PDCD4: variants seen among roughly 807,000 people sequenced by gnomAD.
PDCD4 encodes programmed cell death 4.
PDCD4 carries 56 observed loss-of-function variants against 54.0 expected under a neutral mutation model. The observed-to-expected ratio is 1.04, with a 90% CI of 0.84 to 1.30. PDCD4 has a LOEUF of 1.30. PDCD4 is among the 50% of genes most tolerant of loss of function. PDCD4 has a pLI of 0.00. For synonymous variants in PDCD4, 186 were observed against 194.8 expected (o/e 0.95, Z 0.37); for missense variants, 584 against 559.8 (o/e 1.04, Z -0.44).
intron 7 of PDCD4, 133 bp downstream of exon 7, chr10:110,889,763 A>C: frequency 1.6e-6 from 1 of 630,422 alleles, no homozygotes; most frequent in Non-Finnish European, 2.8e-6. Flanking sequence ...TCCACTGTTA[A>C]AATGGAGAGA....
intron 3 of PDCD4, among the ~76,000 whole-genome samples, chr10:110,882,401 G>T (rs1271385866): frequency 6.6e-6 from 1 of 152,170 alleles, no homozygotes; most frequent in Admixed American, 6.5e-5. Flanking sequence ...AATTGGAATT[G>T]TTAAGCTTCT....
rs146512849 is a variant in PDCD4, at chr10:110,894,263, T to C, written c.1098+65T>C. On this transcript the variant is annotated intron_variant, in intron 9 of 11. Coordinates refer to ENST00000280154, the MANE Select transcript of PDCD4 (RefSeq NM_014456.5). ...TTCCTTTTTGTACTGTAGCGACTTA[T>C]GCTTTTTAAATAATGTACATCCTTT... 1,130 of 1,004,972 alleles carry C rather than the reference T, an allele frequency of 1.1e-3. 10 individuals are homozygous for C. The African/African-American group carries it at 0.016, about 14-fold the overall frequency. The allele number at this position is 1,004,972 out of a possible 1,614,324, so 62.3% of individuals were successfully genotyped here.
At chr10:110,895,195 A>G (rs1845813243) in intron 10 of PDCD4, among the ~76,000 whole-genome samples, 1 of 152,048 alleles carries the variant, frequency 6.6e-6, no homozygotes, top group Non-Finnish European at 1.5e-5. Flanking sequence ...TAAATATAGT[A>G]CCTGATAGGT....
chr10:110,896,314 T>C (rs925145631), intron 11 of PDCD4, among the ~76,000 whole-genome samples: 3 of 152,198 alleles, frequency 2.0e-5, no homozygotes, highest in African/African-American at 4.8e-5. Context: ...GTGGAGCAGG[T>C]CCTTTGTTGT....
chr10:110,882,038 G>A (rs912902975), intron 3 of PDCD4, among the ~76,000 whole-genome samples: 4 of 152,112 alleles, frequency 2.6e-5, no homozygotes, highest in Admixed American at 6.5e-5. Context: ...TCTAGTACCC[G>A]AAATAGTGAC....
intron 8 of PDCD4, among the ~76,000 whole-genome samples, chr10:110,893,485 T>C (rs1845786698): frequency 6.6e-6 from 1 of 151,800 alleles, no homozygotes; most frequent in Admixed American, 6.6e-5. Context: ...GAAAAAGTTC[T>C]CCCACTTTTT....
intron 2 of PDCD4, among the ~76,000 whole-genome samples, chr10:110,877,562 T>C (rs766987629): frequency 6.6e-6 from 1 of 152,196 alleles, no homozygotes; most frequent in African/African-American, 2.4e-5. Flanking sequence ...AAATTTCTTA[T>C]ATGGCTTGCA....
intron 2 of PDCD4, among the ~76,000 whole-genome samples, chr10:110,878,378 C>T (rs1200736988): frequency 6.6e-6 from 1 of 152,172 alleles, no homozygotes; most frequent in Non-Finnish European, 1.5e-5. Flanking sequence ...AAATTGAATA[C>T]TCCAAGGGAC....
chr10:110,873,264 C>CT, intron 1 of PDCD4, among the ~76,000 whole-genome samples: 1 of 152,284 alleles, frequency 6.6e-6, no homozygotes, highest in South Asian at 2.1e-4. Flanking sequence ...TGAATATTAT[C>CT]TGTAGTGCTT....
chr10:110,887,513 T>A lies in PDCD4; in HGVS notation c.556-152T>A, dbSNP rs935549292. On this transcript the variant is annotated intron_variant, in intron 5 of 11. Transcript: ENST00000280154. ...CACAGGGAAAGGTGTGTTTATCCTA[T>A]CTTCTAAAACATGACTGGGTCTTTT... 107 of 591,994 alleles carry A rather than the reference T, an allele frequency of 1.8e-4. No individual in the cohort carries two copies. In the East Asian group the frequency reaches 3.0e-3, roughly 16 times the overall value. 36.7% of individuals were successfully genotyped at this position (591,994 alleles called of 1,614,324 possible). A position where few individuals can be genotyped will look rare whatever the true frequency, so the allele number is the denominator to read the frequency against.
chr10:110,875,989 G>C lies in PDCD4; in HGVS notation c.-39G>C. Reference sequence around the variant, plus strand: ...AGATTCTGAAGGAAGATTTCCATTAGGTAATTTGTTTAATCAGTGCAAGCG... The same window carrying C: ...AGATTCTGAAGGAAGATTTCCATTACGTAATTTGTTTAATCAGTGCAAGCG... On this transcript the variant is annotated 5_prime_UTR_variant, in exon 2 of 12. Coordinates refer to ENST00000280154, the MANE Select transcript of PDCD4 (RefSeq NM_014456.5). 1.4e-6 allele frequency: 2 copies of C among 1,480,338 alleles called. No homozygotes were observed. The highest frequency in any genetic ancestry group is 1.8e-6 in the Non-Finnish European group (2 of 1,084,912). 91.7% of individuals were successfully genotyped at this position (1,480,338 alleles called of 1,614,324 possible).
intron 4 of PDCD4, among the ~76,000 whole-genome samples, chr10:110,884,533 A>G (rs1371486770): frequency 6.6e-6 from 1 of 151,990 alleles, no homozygotes; most frequent in African/African-American, 2.4e-5. Context: ...GCTAATCGTG[A>G]AGGCTTTGGT....
chr10:110,896,006 A>T lies in PDCD4; in HGVS notation c.1268A>T (p.Tyr423Phe), dbSNP rs764110867. 1.2e-5 allele frequency: 20 copies of T among 1,608,418 alleles called. 1 individual carries two copies. In the South Asian group the frequency reaches 1.8e-4, roughly 14 times the overall value. ...ATTAATCTGGATGTCCCACATTCATACTCTGTGCTGGAGCGGTTTGTAGAA... is the reference window on the plus strand; with the variant it reads ...ATTAATCTGGATGTCCCACATTCATTCTCTGTGCTGGAGCGGTTTGTAGAA... Reference protein sequence around the residue: ...PDINLDVPHSYSVLERFVEEC... With the variant: ...PDINLDVPHSFSVLERFVEEC... Residue 423 changes from tyrosine to phenylalanine, a missense_variant, in exon 11 of 12, where the codon TAC (tyrosine) becomes TTC (phenylalanine). Transcript: ENST00000280154.
In PDCD4 at chr10:110,892,234, A is replaced by G. The variant is rs186812293; in HGVS notation, c.990+1564A>G. Among the ~76,000 whole-genome samples, 293 of 152,354 alleles carry G rather than the reference A, an allele frequency of 1.9e-3. 3 individuals are homozygous for G. Among genetic ancestry groups the G allele is most frequent in the Non-Finnish European group, 2.4e-3 (161 of 68,032 alleles). On this transcript the variant is annotated intron_variant, in intron 8 of 11. Transcript: ENST00000280154. ...ACCTAAATAAATAGAATGATATCCC[A>G]TGGTTATGGATGAGGATACTTAATA... is the stretch of plus-strand genomic sequence containing the variant.
intron 2 of PDCD4, among the ~76,000 whole-genome samples, chr10:110,877,022 C>T (rs1845516168): frequency 6.6e-6 from 1 of 152,104 alleles, no homozygotes; most frequent in African/African-American, 2.4e-5. Context: ...TCTGAACAAA[C>T]ATGTTGAATT....
chr10:110,897,585 AG>A (rs1845860968), intron 11 of PDCD4, among the ~76,000 whole-genome samples: 1 of 152,222 alleles, frequency 6.6e-6, no homozygotes, highest in African/African-American at 2.4e-5. Context: ...GCTTTTCTAC[AG>A]TTGATAAAAC....
chr10:110,881,295 A>T lies in PDCD4; in HGVS notation c.106A>T (p.Ile36Leu), dbSNP rs7081726. 17 of 1,613,580 alleles carry T rather than the reference A, an allele frequency of 1.1e-5. No individual in the cohort carries two copies. Among genetic ancestry groups the T allele is most frequent in the South Asian group, 8.8e-5 (8 of 91,074 alleles). Residue 36 changes from isoleucine to leucine, a missense_variant, in exon 3 of 12, where the codon ATA becomes TTA. Coordinates refer to ENST00000280154, the MANE Select transcript of PDCD4 (RefSeq NM_014456.5). The part of the protein sequence containing the change: ...GDEENAGTEE[I>L]KNEINGNWIS... ...TGAAGAAAATGCTGGGACTGAGGAA[A>T]TAAAGAATGAAATAAATGGAAATTG...
In PDCD4 at chr10:110,899,766, G is replaced by C. The variant is rs1232697157; in HGVS notation, c.*1678G>C. ...GAGTCGAGATGGTGCCATTGCTCTC[G>C]TTTGGGCAACAAGAGTGAAACTCTT... On this transcript the variant is annotated 3_prime_UTR_variant, in exon 12 of 12. Transcript: ENST00000280154. The C allele has an allele frequency of 6.8e-6, 1 of 147,996 alleles. No homozygotes were observed. The highest frequency in any genetic ancestry group is 2.5e-5 in the African/African-American group (1 of 39,498). The allele number at this position is 147,996 out of a possible 1,614,324, so 9.2% of individuals were successfully genotyped here. A position where few individuals can be genotyped will look rare whatever the true frequency, so the allele number is the denominator to read the frequency against.
In PDCD4 at chr10:110,896,049, A is replaced by T. The variant is rs182246443; in HGVS notation, c.1311A>T (p.Gly437=). The change falls in exon 11 of 12, where the codon GGA becomes GGT. Residue 437 remains glycine (G), a synonymous_variant. Coordinates refer to ENST00000280154, the MANE Select transcript of PDCD4 (RefSeq NM_014456.5). ...ERFVEECFQA[G]IISKQLRDLC... Reference sequence around the variant, plus strand: ...TTGTAGAAGAATGTTTTCAGGCTGGAATAATTTCCAAACAACTCAGAGATC... The same window carrying T: ...TTGTAGAAGAATGTTTTCAGGCTGGTATAATTTCCAAACAACTCAGAGATC... 33 of 1,611,172 alleles carry T rather than the reference A, an allele frequency of 2.0e-5. No individual in the cohort carries two copies. In the East Asian group the frequency reaches 6.0e-4, roughly 29 times the overall value.
Sources: gnomAD v4.1 joint callset for allele counts (sites outside exome capture counted in the v4.1 genomes callset) on GRCh38, gnomAD v4.1.1 for gene constraint, MANE v1.5 for transcripts, NCBI Gene and HGNC (gene_info 2026-07-23, HGNC 2026-07-21) for gene names.